Variants in PRKCB observed in about 807,000 individuals in gnomAD.
PRKCB encodes the protein protein kinase C beta type.
A neutral mutation model predicts 81.5 loss-of-function variants in PRKCB; 13 were observed. The ratio of observed to expected loss-of-function variants is 0.16; its 90% CI spans 0.10 to 0.25. PRKCB has a LOEUF of 0.25. PRKCB is among the 10% of genes least tolerant of loss of function. The probability of loss-of-function intolerance (pLI) is 1.00; values close to 1 mark genes in which losing one functional copy is unlikely to be tolerated. For synonymous variants in PRKCB, 335 were observed against 321.4 expected (o/e 1.04, Z -0.45); for missense variants, 509 against 875.7 (o/e 0.58, Z 5.29).
chr16:24,002,975 A>G (rs968799453), intron 3 of PRKCB, among the ~76,000 whole-genome samples: 1 of 151,904 alleles, frequency 6.6e-6, no homozygotes, highest in Non-Finnish European at 1.5e-5. Flanking sequence ...GGGAGGGGAG[A>G]GTGAGACCCT....
rs76713221 is a variant in PRKCB, at chr16:24,064,228, C to A, written c.530-28563C>A. Among the ~76,000 whole-genome samples the A allele has an allele frequency of 3.1e-3, 474 of 151,870 alleles. 2 individuals are homozygous for A. The highest frequency in any genetic ancestry group is 0.011 in the African/African-American group (443 of 41,422). Reference sequence around the variant, plus strand: ...CATACACATAGATTTAATTTGGTGTCCCTTTTCTAACTTTTTGAGATAGAT... The same window carrying A: ...CATACACATAGATTTAATTTGGTGTACCTTTTCTAACTTTTTGAGATAGAT... On this transcript the variant is annotated intron_variant, in intron 5 of 16. Transcript: ENST00000643927.
At chr16:24,189,641 CAA>C (rs10605364) in intron 15 of PRKCB, among the ~76,000 whole-genome samples, 340 of 83,288 alleles carry the variant, frequency 4.1e-3, no homozygotes, top group South Asian at 0.018. Context: ...GACTCCGTCT[CAA>C]AAAAAAAAAA....
intron 16 of PRKCB, among the ~76,000 whole-genome samples, chr16:24,198,105 C>T (rs979036926): frequency 6.6e-6 from 1 of 152,110 alleles, no homozygotes; most frequent in Non-Finnish European, 1.5e-5. Flanking sequence ...GGTGATCCAG[C>T]TCAGAATTTT....
chr16:24,088,392 G>A (rs1210510750), intron 5 of PRKCB, among the ~76,000 whole-genome samples: 1 of 152,130 alleles, frequency 6.6e-6, no homozygotes, highest in African/African-American at 2.4e-5. Context: ...TCATGCCTCA[G>A]TGAGTAATGT....
intron 2 of PRKCB, among the ~76,000 whole-genome samples, chr16:23,922,181 T>C (rs544148373): frequency 1.3e-5 from 2 of 152,250 alleles, no homozygotes; most frequent in African/African-American, 4.8e-5. Context: ...TGTAAAAGAG[T>C]TGTAGACTCA....
chr16:24,205,167 T>TA (rs1567412409), intron 16 of PRKCB, among the ~76,000 whole-genome samples: 3 of 138,138 alleles, frequency 2.2e-5, no homozygotes, highest in Non-Finnish European at 3.2e-5. Context: ...TTTTTTTTTT[T>TA]AGAGACAGGG....
intron 16 of PRKCB, among the ~76,000 whole-genome samples, chr16:24,198,290 T>C (rs1967907860): frequency 6.6e-6 from 1 of 152,234 alleles, no homozygotes; most frequent in African/African-American, 2.4e-5. Flanking sequence ...ACGAATTGGC[T>C]TAATGAAGTC....
At chr16:24,096,706 T>TATATATATATATATATATATATATAG (rs1966450271) in intron 7 of PRKCB, among the ~76,000 whole-genome samples, 1 of 130,400 alleles carries the variant, frequency 7.7e-6, no homozygotes, top group Non-Finnish European at 1.6e-5. Context: ...TATATATATA[T>TATATATATATATATATATATATATAG]CCTCCAATGT....
At chr16:24,192,599 A>T (rs1967810521) in intron 16 of PRKCB, among the ~76,000 whole-genome samples, 1 of 152,128 alleles carries the variant, frequency 6.6e-6, no homozygotes, top group Non-Finnish European at 1.5e-5. Context: ...TCTTGGCCAG[A>T]TGCACACGCT....
intron 10 of PRKCB, among the ~76,000 whole-genome samples, chr16:24,158,129 A>G (rs577227023): frequency 6.0e-4 from 92 of 152,322 alleles, no homozygotes; most frequent in East Asian, 2.3e-3. Context: ...CACTCACTGC[A>G]AGCAAGAGAC....
chr16:24,086,264 G>A (rs1311787501), intron 5 of PRKCB, among the ~76,000 whole-genome samples: 1 of 152,170 alleles, frequency 6.6e-6, no homozygotes, highest in East Asian at 1.9e-4. Flanking sequence ...AACTTGGGAA[G>A]GTATGGCAGG....
At chr16:23,931,277 G>A (rs927272940) in intron 2 of PRKCB, among the ~76,000 whole-genome samples, 3 of 152,176 alleles carry the variant, frequency 2.0e-5, no homozygotes, top group Non-Finnish European at 4.4e-5. Context: ...CTAAAGGTGG[G>A]ACCAGGACCA....
At chr16:23,896,586 G>A (rs1441635858) in intron 2 of PRKCB, among the ~76,000 whole-genome samples, 1 of 152,172 alleles carries the variant, frequency 6.6e-6, no homozygotes, top group African/African-American at 2.4e-5. Flanking sequence ...TTAATGAGGG[G>A]ATGCTTTTTG....
chr16:24,170,196 G>C (rs967092834), intron 10 of PRKCB, among the ~76,000 whole-genome samples: 1 of 152,110 alleles, frequency 6.6e-6, no homozygotes, highest in Non-Finnish European at 1.5e-5. Context: ...TTTGTTCACT[G>C]CTCTATCCTC....
intron 9 of PRKCB, among the ~76,000 whole-genome samples, chr16:24,134,832 A>G (rs1312554651): frequency 6.6e-6 from 1 of 152,098 alleles, no homozygotes; most frequent in Non-Finnish European, 1.5e-5. Context: ...AGAGAGGTTG[A>G]GCCCAGGAGT....
chr16:23,847,577 C>CATCCATCCATCCATCCATCT (rs112988555), intron 2 of PRKCB, among the ~76,000 whole-genome samples: 44,351 of 150,496 alleles, frequency 0.29, 7,151 homozygotes, highest in South Asian at 0.38. Flanking sequence ...TCCATCCATC[C>CATCCATCCATCCATCCATCT]GTCTGGCTAT....
intron 2 of PRKCB, among the ~76,000 whole-genome samples, chr16:23,965,290 C>T (rs144239761): frequency 1.6e-3 from 245 of 152,328 alleles, no homozygotes; most frequent in Non-Finnish European, 2.7e-3. Flanking sequence ...TAGTGGCCTC[C>T]AGCTGCGTCC....
At chr16:24,000,771 G>A (rs1965022866) in intron 3 of PRKCB, among the ~76,000 whole-genome samples, 1 of 152,124 alleles carries the variant, frequency 6.6e-6, no homozygotes, top group Admixed American at 6.5e-5. Context: ...CCCTTATGAG[G>A]TGATTACAGT....
intron 9 of PRKCB, among the ~76,000 whole-genome samples, chr16:24,132,947 AT>A (rs1285224558): frequency 6.6e-6 from 1 of 152,072 alleles, no homozygotes; most frequent in Non-Finnish European, 1.5e-5. Context: ...TGACCAGCTG[AT>A]TTTGGGATCT....
Sources: allele counts gnomAD v4.1 joint callset (sites outside exome capture counted in the v4.1 genomes callset), GRCh38; gene constraint gnomAD v4.1.1; transcripts MANE v1.5; gene names NCBI Gene and HGNC (gene_info 2026-07-23, HGNC 2026-07-21).